Variants in DNAJC21 observed in about 807,000 individuals in gnomAD.
The protein encoded by DNAJC21 is DnaJ heat shock protein family (Hsp40) member C21, also known as dnaJ homolog subfamily C member 21.
Under a neutral mutation model 72.4 loss-of-function variants are expected in DNAJC21, and 63 were observed. The ratio of observed to expected loss-of-function variants is 0.87; its 90% CI spans 0.71 to 1.07. DNAJC21 has a LOEUF of 1.07. Among genes scored for constraint, DNAJC21 ranks in the 50% least tolerant of loss-of-function variants. DNAJC21 has a pLI of 0.00. For missense variants in DNAJC21, 634 were observed against 644.8 expected (o/e 0.98, Z 0.18); for synonymous variants, 203 against 216.7 (o/e 0.94, Z 0.56).
At position 34,957,828 on chromosome 5, in the gene DNAJC21, T is replaced by C. The variant is rs985527864; in HGVS notation, c.*3114T>C. On this transcript the variant is annotated 3_prime_UTR_variant, in exon 12 of 12. Coordinates refer to ENST00000648817, the MANE Select transcript of DNAJC21 (RefSeq NM_001012339.3). Reference sequence around the variant, plus strand: ...AAATAATGAAGAGAACTTTTAAACTTTTTTATGAATTCCTAAACATTACCA... The same window carrying C: ...AAATAATGAAGAGAACTTTTAAACTCTTTTATGAATTCCTAAACATTACCA... 6.6e-6 allele frequency: 1 copy of C among 152,226 alleles called. No individual in the cohort carries two copies. The highest frequency in any genetic ancestry group is 1.5e-5 in the Non-Finnish European group (1 of 68,044). 9.4% of individuals were successfully genotyped at this position (152,226 alleles called of 1,614,324 possible). A position where few individuals can be genotyped will look rare whatever the true frequency, so the allele number is the denominator to read the frequency against.
At chr5:34,941,266 T>A in intron 7 of DNAJC21, 83 bp downstream of exon 7, 2 of 1,257,598 alleles carry the variant, frequency 1.6e-6, no homozygotes, top group Non-Finnish European at 2.3e-6. Context: ...GGCACAGTCA[T>A]GACTCACCAC....
Position 34,941,079 on chromosome 5 carries a change from A to T in DNAJC21, c.896-17A>T. The T allele has an allele frequency of 2.5e-6, 4 of 1,608,000 alleles. No individual in the cohort carries two copies. The highest frequency in any genetic ancestry group is 3.4e-6 in the Non-Finnish European group (4 of 1,174,808). ...TCTGATCAAAGAGGGTTCTTACTGT[A>T]GGCTTCCCTGTCATAGGTAAAGACA... is the stretch of plus-strand genomic sequence containing the variant. On this transcript the variant is annotated splice_polypyrimidine_tract_variant and intron_variant, in intron 6 of 11. Transcript: ENST00000648817.
chr5:34,954,499 A>T (rs1765474254), intron 11 of DNAJC21, 54 bp from the exon 12 acceptor site: 2 of 1,516,144 alleles, frequency 1.3e-6, no homozygotes, highest in Non-Finnish European at 1.8e-6. Context: ...AACCTAAAAC[A>T]CTACTTTCAA....
chr5:34,936,843 C>T (rs918843816), intron 4 of DNAJC21, among the ~76,000 whole-genome samples: 4 of 152,080 alleles, frequency 2.6e-5, no homozygotes, highest in Non-Finnish European at 5.9e-5. Context: ...CTCAGCCTCC[C>T]GGGTTCAAGC....
Position 34,956,720 on chromosome 5 carries a change from T to C in DNAJC21, c.*2006T>C, listed in dbSNP as rs1454104909. On this transcript the variant is annotated 3_prime_UTR_variant, in exon 12 of 12. Transcript: ENST00000648817. ...GTTTAATGAGGGTTGAGTGGAGTTA[T>C]GTGTCGCTTTTATTCGGATTGACGA... 1 of 152,226 alleles carries C rather than the reference T, an allele frequency of 6.6e-6. No homozygotes were observed. The highest frequency in any genetic ancestry group is 1.5e-5 in the Non-Finnish European group (1 of 68,036). 9.4% of individuals were successfully genotyped at this position (152,226 alleles called of 1,614,324 possible). A position where few individuals can be genotyped will look rare whatever the true frequency, so the allele number is the denominator to read the frequency against.
At position 34,953,964 on chromosome 5, in the gene DNAJC21, A is replaced by G; in HGVS notation, c.1397A>G (p.Lys466Arg). Residue 466 changes from lysine (K) to arginine (R), a missense_variant, in exon 11 of 12, where the codon AAA (lysine) becomes AGA (arginine). By Grantham distance (26) the Lys-to-Arg change is conservative (BLOSUM62 2). Transcript: ENST00000648817. ...KPKGKKTKDM[K>R]KPVRVPAEPQ... ...AAAGGAAAGAAAACCAAAGATATGA[A>G]AAAACCTGTCAGAGTACCTGCTGAA... The G allele has an allele frequency of 1.9e-6, 3 of 1,612,392 alleles. No individual in the cohort carries two copies. Among genetic ancestry groups the G allele is most frequent in the Non-Finnish European group, 2.5e-6 (3 of 1,179,442 alleles).
intron 8 of DNAJC21, among the ~76,000 whole-genome samples, chr5:34,945,488 A>G (rs1765145180): frequency 6.6e-6 from 1 of 152,220 alleles, no homozygotes. Flanking sequence ...GTCAACTATA[A>G]TATTTATAGA....
chr5:34,950,216 AG>A lies in DNAJC21; in HGVS notation c.1234del (p.Val412LeufsTer8). ...FNVNGPGEGV[K>X]VDPEDTNLNQ... Reference sequence around the variant, plus strand: ...GTAAATGGACCTGGAGAAGGAGTAAAGGTTGATCCAGAAGATACTAACTTAA... The same window carrying A: ...GTAAATGGACCTGGAGAAGGAGTAAAGTTGATCCAGAAGATACTAACTTAA... On this transcript the variant is annotated frameshift_variant, in exon 10 of 12. Transcript: ENST00000648817. LOFTEE classifies it high-confidence loss of function. 1 of 1,613,350 alleles carries A rather than the reference AG, an allele frequency of 6.2e-7. No homozygotes were observed. The highest frequency in any genetic ancestry group is 8.5e-7 in the Non-Finnish European group (1 of 1,179,778).
chr5:34,948,552 G>GT (rs1765246766), intron 9 of DNAJC21, among the ~76,000 whole-genome samples: 1 of 152,182 alleles, frequency 6.6e-6, no homozygotes, highest in Non-Finnish European at 1.5e-5. Context: ...AGAAATTTAT[G>GT]TATCTATATT....
rs1367653631 is a variant in DNAJC21, at chr5:34,955,709, A to T, written c.*995A>T. The T allele has an allele frequency of 6.6e-6, 1 of 152,170 alleles. No individual in the cohort carries two copies. Among genetic ancestry groups the T allele is most frequent in the African/African-American group, 2.4e-5 (1 of 41,432 alleles). The allele number at this position is 152,170 out of a possible 1,614,324, so 9.4% of individuals were successfully genotyped here. A position where few individuals can be genotyped will look rare whatever the true frequency, so the allele number is the denominator to read the frequency against. ...GTTAGAACAGTCGTGTACATTGATC[A>T]GTATTGAGTCCATTTTTAGGATGGA... On this transcript the variant is annotated 3_prime_UTR_variant, in exon 12 of 12. Coordinates refer to ENST00000648817, the MANE Select transcript of DNAJC21 (RefSeq NM_001012339.3).
chr5:34,949,695 T>G, intron 9 of DNAJC21: 3 of 1,613,160 alleles, frequency 1.9e-6, no homozygotes, highest in Non-Finnish European at 2.5e-6. Context: ...TAGGATATGT[T>G]TGCCAGGCGT....
chr5:34,957,404 G>A lies in DNAJC21; in HGVS notation c.*2690G>A, dbSNP rs1270255928. Reference sequence around the variant, plus strand: ...TACAATGGCTATTTAGACTTTCCCTGCTTCAAAATAAGAGCAGTATCCTTA... The same window carrying A: ...TACAATGGCTATTTAGACTTTCCCTACTTCAAAATAAGAGCAGTATCCTTA... On this transcript the variant is annotated 3_prime_UTR_variant, in exon 12 of 12. Coordinates refer to ENST00000648817, the MANE Select transcript of DNAJC21 (RefSeq NM_001012339.3). 6.6e-6 allele frequency: 1 copy of A among 152,150 alleles called. No individual in the cohort carries two copies. The highest frequency in any genetic ancestry group is 1.5e-5 in the Non-Finnish European group (1 of 68,020). The allele number at this position is 152,150 out of a possible 1,614,324, so 9.4% of individuals were successfully genotyped here. A position where few individuals can be genotyped will look rare whatever the true frequency, so the allele number is the denominator to read the frequency against.
At position 34,937,490 on chromosome 5, in the gene DNAJC21, G is replaced by T. The variant is rs761495337; in HGVS notation, c.603G>T (p.Glu201Asp). Residue 201 changes from glutamate (E) to aspartate (D), a missense_variant, in exon 5 of 12, where the codon GAG (glutamate) becomes GAT (aspartate). Glu to Asp is a conservative substitution (Grantham distance 45). Transcript: ENST00000648817. ...IRDKARKEKN[E>D]LVRQLVAFIR... ...ACAAAGCAAGGAAAGAGAAGAATGA[G>T]CTTGTCCGTCAGCTGGTAGCTTTCA... is the stretch of plus-strand genomic sequence containing the variant. The T allele has an allele frequency of 3.1e-6, 5 of 1,614,028 alleles. No homozygotes were observed. In the African/African-American group the frequency reaches 5.3e-5, roughly 17 times the overall value.
intron 9 of DNAJC21, among the ~76,000 whole-genome samples, chr5:34,947,730 A>C (rs1580537702): frequency 7.1e-6 from 1 of 140,112 alleles, no homozygotes; most frequent in African/African-American, 2.7e-5. Flanking sequence ...AAGATCATTT[A>C]ATCATATATA....
intron 6 of DNAJC21, 123 bp downstream of exon 6, chr5:34,939,132 C>A: frequency 1.1e-6 from 1 of 898,538 alleles, no homozygotes; most frequent in Non-Finnish European, 1.6e-6. Context: ...GTTGTATGGG[C>A]CAAAGGTAGT....
At chr5:34,953,871 G>T in intron 10 of DNAJC21, 55 bp from the exon 11 acceptor site, 1 of 1,404,454 alleles carries the variant, frequency 7.1e-7, no homozygotes, top group Non-Finnish European at 9.8e-7. Context: ...CTCAAATAAT[G>T]ATGGTTAAAA....
At position 34,958,500 on chromosome 5, in the gene DNAJC21, T is replaced by G. The variant is rs536420997; in HGVS notation, c.*3786T>G. On this transcript the variant is annotated 3_prime_UTR_variant, in exon 12 of 12. Coordinates refer to ENST00000648817, the MANE Select transcript of DNAJC21 (RefSeq NM_001012339.3). ...AAGGTTATTTTCATGATTTTGCAAATGGGAAGGATTTCTTTAAAGCAAGAC... is the reference window on the plus strand; with the variant it reads ...AAGGTTATTTTCATGATTTTGCAAAGGGGAAGGATTTCTTTAAAGCAAGAC... The G allele has an allele frequency of 7.9e-5, 12 of 152,226 alleles. No homozygotes were observed. In the East Asian group the frequency reaches 2.1e-3, roughly 27 times the overall value. 9.4% of individuals were successfully genotyped at this position (152,226 alleles called of 1,614,324 possible). A position where few individuals can be genotyped will look rare whatever the true frequency, so the allele number is the denominator to read the frequency against.
chr5:34,941,839 T>C (rs1765005710), intron 7 of DNAJC21, among the ~76,000 whole-genome samples: 1 of 151,982 alleles, frequency 6.6e-6, no homozygotes, highest in South Asian at 2.1e-4. Context: ...AGTGTTGGGA[T>C]TACAGGCGTG....
chr5:34,933,568 C>G (rs1482106790), intron 1 of DNAJC21, among the ~76,000 whole-genome samples: 1 of 152,146 alleles, frequency 6.6e-6, no homozygotes, highest in Non-Finnish European at 1.5e-5. Flanking sequence ...CGTGAGCCAT[C>G]ACGCCCAGCC....
Sources: allele counts gnomAD v4.1 joint callset (sites outside exome capture counted in the v4.1 genomes callset), GRCh38; gene constraint gnomAD v4.1.1; transcripts MANE v1.5; gene names NCBI Gene and HGNC (gene_info 2026-07-23, HGNC 2026-07-21).